PPP2R2C: variants seen among roughly 807,000 people sequenced by gnomAD.
The protein encoded by PPP2R2C is protein phosphatase 2 regulatory subunit Bgamma, also known as protein phosphatase 2, regulatory subunit B, gamma.
A neutral mutation model predicts 45.3 loss-of-function variants in PPP2R2C; 10 were observed. That is an observed-to-expected ratio of 0.22 (90% CI 0.14 to 0.37). PPP2R2C has a LOEUF of 0.37. Ranked by LOEUF, PPP2R2C falls within the 10% of genes least tolerant of loss-of-function variation. The pLI is 1.00. For synonymous variants in PPP2R2C, 257 were observed against 245.4 expected, an observed-to-expected ratio of 1.05 and a Z score of -0.44; for missense variants, 308 against 619.7, an observed-to-expected ratio of 0.50 and a Z score of 5.34.
rs1304621465 is a variant in PPP2R2C at position 6,355,010 on chromosome 4, A to G, written c.626-7000T>C. ...TCCTGTAAATCTCCTCTGCCCCTCA[A>G]AATAAACATTTATTTTACCTTGTTT... On this transcript the variant is annotated intron_variant, in intron 5 of 8. Coordinates refer to ENST00000382599, the MANE Select transcript of PPP2R2C (RefSeq NM_020416.4). Among the ~76,000 whole-genome samples, 4 of 152,156 alleles carry G rather than the reference A, an allele frequency of 2.6e-5. No homozygotes were observed. The East Asian group carries it at 7.7e-4, about 29-fold the overall frequency.
chr4:6,468,573 T>A (rs1312863934), intron 1 of PPP2R2C, among the ~76,000 whole-genome samples: 3 of 152,118 alleles, frequency 2.0e-5, no homozygotes, highest in Non-Finnish European at 4.4e-5. Context: ...GTCAGGCACA[T>A]GAGAGTGACT....
chr4:6,327,572 C>T (rs1277775241), intron 8 of PPP2R2C, among the ~76,000 whole-genome samples: 1 of 152,204 alleles, frequency 6.6e-6, no homozygotes, highest in Non-Finnish European at 1.5e-5. Context: ...CCCTCTCGTC[C>T]GATTTGGATA....
chr4:6,384,304 T>A, intron 1 of PPP2R2C: 1 of 985,422 alleles, frequency 1.0e-6, no homozygotes, highest in Non-Finnish European at 1.2e-6. Context: ...CTTGTAATGA[T>A]CTACATCAGT....
intron 6 of PPP2R2C, among the ~76,000 whole-genome samples, chr4:6,338,517 C>T (rs1274482708): frequency 6.6e-6 from 1 of 152,266 alleles, no homozygotes; most frequent in East Asian, 1.9e-4. Flanking sequence ...AGAGCAGGTG[C>T]CCACCTTCCT....
At chr4:6,480,674 G>C (rs573487008) in intron 2 of PPP2R2C, among the ~76,000 whole-genome samples, 1 of 152,266 alleles carries the variant, frequency 6.6e-6, no homozygotes, top group Non-Finnish European at 1.5e-5. Flanking sequence ...TCCTAGGATG[G>C]ACAGGTGGAG....
At chr4:6,348,944 G>T in intron 5 of PPP2R2C, 1 of 919,980 alleles carries the variant, frequency 1.1e-6, no homozygotes, top group Non-Finnish European at 1.3e-6. Context: ...CTAGAGCACA[G>T]AGAAGATGAG....
In PPP2R2C at chr4:6,441,248, A is replaced by G. The variant is rs1323857641; in HGVS notation, c.70+30912T>C. 2.0e-5 allele frequency among the ~76,000 whole-genome samples: 3 copies of G among 152,080 alleles called. No homozygotes were observed. In the East Asian group the frequency reaches 5.8e-4, roughly 29 times the overall value. Reference sequence around the variant, plus strand: ...ACACTAAAGTGATTAGGGAATCTCAACATTGCTACAGCCCCTCCCTCCAAA... The same window carrying G: ...ACACTAAAGTGATTAGGGAATCTCAGCATTGCTACAGCCCCTCCCTCCAAA... On this transcript the variant is annotated intron_variant, in intron 1 of 8. Coordinates refer to ENST00000382599, the MANE Select transcript of PPP2R2C (RefSeq NM_020416.4).
At chr4:6,370,750 T>C (rs899506261) in intron 5 of PPP2R2C, among the ~76,000 whole-genome samples, 2 of 152,168 alleles carry the variant, frequency 1.3e-5, no homozygotes, top group African/African-American at 2.4e-5. Context: ...CTTACAGTTA[T>C]CCACATCAAA....
At chr4:6,523,509 A>T (rs1016241449) in intron 2 of PPP2R2C, 1 of 152,232 alleles carries the variant, frequency 6.6e-6, no homozygotes, top group Admixed American at 6.5e-5. Flanking sequence ...GGGAAATCCA[A>T]ATCAAAGTCA....
At chr4:6,390,256 T>C (rs1015911731) in intron 1 of PPP2R2C, among the ~76,000 whole-genome samples, 5 of 152,142 alleles carry the variant, frequency 3.3e-5, no homozygotes, top group Admixed American at 1.3e-4. Context: ...GCCTGGGGGA[T>C]TGAGCAAAGC....
chr4:6,366,008 A>C (rs560456853), intron 5 of PPP2R2C, among the ~76,000 whole-genome samples: 2 of 152,214 alleles, frequency 1.3e-5, no homozygotes, highest in Admixed American at 1.3e-4. Context: ...AGGACGCGAG[A>C]GGTTGCTTAA....
At chr4:6,420,843 G>C (rs183565577) in intron 1 of PPP2R2C, 8 of 734,998 alleles carry the variant, frequency 1.1e-5, no homozygotes, top group Admixed American at 1.3e-4. Flanking sequence ...ACATGCCAGT[G>C]CCCAGGTCTG....
Position 6,448,360 on chromosome 4 carries a change from G to A in PPP2R2C, c.70+23800C>T, listed in dbSNP as rs190659314. ...GGATCCCTTGGAGGTCACACGGAGA[G>A]GGGTATTGGAGCGGGATCCAGACCC... On this transcript the variant is annotated intron_variant, in intron 1 of 8. Coordinates refer to ENST00000382599, the MANE Select transcript of PPP2R2C (RefSeq NM_020416.4). Among the ~76,000 whole-genome samples, 280 of 152,226 alleles carry A rather than the reference G, an allele frequency of 1.8e-3. 2 individuals are homozygous for A. The highest frequency in any genetic ancestry group is 8.7e-3 in the South Asian group (42 of 4,826).
intron 5 of PPP2R2C, among the ~76,000 whole-genome samples, chr4:6,363,825 C>G (rs1366000768): frequency 6.6e-6 from 1 of 152,104 alleles, no homozygotes. Flanking sequence ...CCAGTCCAGC[C>G]AAGAGAAGGG....
intron 1 of PPP2R2C, among the ~76,000 whole-genome samples, chr4:6,557,818 A>G (rs1046032126): frequency 3.3e-5 from 5 of 152,232 alleles, no homozygotes; most frequent in Middle Eastern, 3.4e-3. Flanking sequence ...ACTGCAGAAT[A>G]TTCCCCACCT....
At chr4:6,337,122 A>G (rs1183011611) in intron 6 of PPP2R2C, among the ~76,000 whole-genome samples, 673 of 36,094 alleles carry the variant, frequency 0.019, 48 homozygotes, top group African/African-American at 0.089. Context: ...GTATATATAT[A>G]TATATATATA....
At chr4:6,386,031 G>A (rs577128230) in intron 1 of PPP2R2C, among the ~76,000 whole-genome samples, 1 of 152,302 alleles carries the variant, frequency 6.6e-6, no homozygotes, top group East Asian at 1.9e-4. Flanking sequence ...CTGTCTGCCA[G>A]GCCCTGCTCT....
intron 1 of PPP2R2C, among the ~76,000 whole-genome samples, chr4:6,386,410 A>G (rs1716215798): frequency 6.6e-6 from 1 of 152,172 alleles, no homozygotes; most frequent in Non-Finnish European, 1.5e-5. Context: ...AGATCCCCAG[A>G]GGGGGCAAAT....
intron 1 of PPP2R2C, among the ~76,000 whole-genome samples, chr4:6,396,550 G>A (rs958708438): frequency 2.0e-5 from 3 of 152,256 alleles, no homozygotes; most frequent in South Asian, 2.1e-4. Context: ...CTGCTGCCAT[G>A]AGGAGGACAA....
Sources: allele counts gnomAD v4.1 joint callset (sites outside exome capture counted in the v4.1 genomes callset), GRCh38; gene constraint gnomAD v4.1.1; transcripts MANE v1.5; gene names NCBI Gene and HGNC (gene_info 2026-07-23, HGNC 2026-07-21).